ROBO1: variants seen among roughly 807,000 people sequenced by gnomAD.
ROBO1 encodes roundabout guidance receptor 1.
ROBO1 carries 149 observed loss-of-function variants against 195.9 expected under a neutral mutation model. The ratio of observed to expected loss-of-function variants is 0.76; its 90% CI spans 0.67 to 0.87. The LOEUF is 0.87. Among genes scored for constraint, ROBO1 ranks in the 40% least tolerant of loss-of-function variants. ROBO1 has a pLI of 0.00. For synonymous variants in ROBO1, 816 were observed against 733.2 expected (o/e 1.11, Z -1.82); for missense variants, 1,933 against 2,068.3 (o/e 0.93, Z 1.27).
intron 2 of ROBO1, among the ~76,000 whole-genome samples, chr3:79,393,994 A>G (rs942730334): frequency 1.3e-5 from 2 of 152,046 alleles, no homozygotes; most frequent in Non-Finnish European, 2.9e-5. Flanking sequence ...GAAAGAAAGA[A>G]ACGACATGAC....
At chr3:78,809,084 T>A (rs1033536170) in intron 4 of ROBO1, among the ~76,000 whole-genome samples, 3 of 152,122 alleles carry the variant, frequency 2.0e-5, no homozygotes, top group Admixed American at 6.5e-5. Context: ...GAGAAAATTT[T>A]TGCAATCTAT....
chr3:78,628,378 C>A (rs1182593241), intron 25 of ROBO1, among the ~76,000 whole-genome samples: 1 of 152,188 alleles, frequency 6.6e-6, no homozygotes, highest in African/African-American at 2.4e-5. Flanking sequence ...CAGCTGAAAA[C>A]AAAATGAAGT....
At chr3:78,995,397 C>G (rs1274594003) in intron 3 of ROBO1, among the ~76,000 whole-genome samples, 2 of 152,036 alleles carry the variant, frequency 1.3e-5, no homozygotes, top group African/African-American at 4.8e-5. Context: ...AACACAGAGC[C>G]CTGCACTGCT....
chr3:78,927,909 A>G (rs2039305660), intron 4 of ROBO1, among the ~76,000 whole-genome samples: 1 of 152,224 alleles, frequency 6.6e-6, no homozygotes, highest in Non-Finnish European at 1.5e-5. Flanking sequence ...AACCATATAC[A>G]TGGAAGGAAT....
intron 4 of ROBO1, among the ~76,000 whole-genome samples, chr3:78,901,976 G>C (rs1200581230): frequency 6.6e-6 from 1 of 152,008 alleles, no homozygotes; most frequent in Non-Finnish European, 1.5e-5. Context: ...TTTCTTTCCA[G>C]CATATTACAT....
chr3:78,693,526 A>T (rs1397055408), intron 8 of ROBO1, among the ~76,000 whole-genome samples: 2 of 152,182 alleles, frequency 1.3e-5, no homozygotes, highest in Admixed American at 6.5e-5. Flanking sequence ...ATTTGTTAGC[A>T]TTTTAGGTAT....
chr3:79,196,174 A>G (rs893335445), intron 2 of ROBO1, among the ~76,000 whole-genome samples: 1 of 151,560 alleles, frequency 6.6e-6, no homozygotes, highest in Non-Finnish European at 1.5e-5. Flanking sequence ...ATAAGGATAC[A>G]TTGTGGAAAA....
chr3:79,515,124 T>A lies in ROBO1; in HGVS notation c.88+74700A>T, dbSNP rs534001448. On this transcript the variant is annotated intron_variant, in intron 2 of 30. Transcript: ENST00000464233. ...CTTCCAAACACAGCCTGGAGAGGAGTGGCTTCATGGCTCATGGCAGCATGC... is the reference window on the plus strand; with the variant it reads ...CTTCCAAACACAGCCTGGAGAGGAGAGGCTTCATGGCTCATGGCAGCATGC... Among the ~76,000 whole-genome samples the A allele has an allele frequency of 2.0e-4, 31 of 151,992 alleles. No homozygotes were observed. In the East Asian group the frequency reaches 6.0e-3, roughly 29 times the overall value.
At chr3:79,643,830 C>A (rs1002938852) in intron 1 of ROBO1, among the ~76,000 whole-genome samples, 2 of 152,044 alleles carry the variant, frequency 1.3e-5, no homozygotes, top group African/African-American at 2.4e-5. Flanking sequence ...AGAGAGGAGG[C>A]ATGCACAAAA....
At chr3:79,357,208 CTGACTCTAACAAGTCA>C (rs1318548719) in intron 2 of ROBO1, among the ~76,000 whole-genome samples, 11 of 152,090 alleles carry the variant, frequency 7.2e-5, no homozygotes, top group Admixed American at 7.2e-4. Context: ...TCTTCTTTTC[CTGACTCTAACAAGTCA>C]TGAGGGCACA....
intron 1 of ROBO1, among the ~76,000 whole-genome samples, chr3:79,766,110 G>A (rs1470064138): frequency 2.0e-5 from 3 of 149,454 alleles, no homozygotes; most frequent in African/African-American, 7.5e-5. Flanking sequence ...TCTATAGAAG[G>A]AGCCTCCAGT....
chr3:79,216,751 A>C (rs1019717337), intron 2 of ROBO1, among the ~76,000 whole-genome samples: 25 of 152,082 alleles, frequency 1.6e-4, no homozygotes, highest in Non-Finnish European at 3.2e-4. Flanking sequence ...AGTTAGAAGA[A>C]AATAATAATT....
At chr3:79,213,488 A>G (rs2082001351) in intron 2 of ROBO1, among the ~76,000 whole-genome samples, 2 of 152,090 alleles carry the variant, frequency 1.3e-5, no homozygotes, top group Admixed American at 6.6e-5. Context: ...GTTGTTGTTT[A>G]TGTTTAATTT....
At chr3:78,687,082 C>T (rs1174636337) in intron 9 of ROBO1, among the ~76,000 whole-genome samples, 1 of 152,022 alleles carries the variant, frequency 6.6e-6, no homozygotes, top group African/African-American at 2.4e-5. Flanking sequence ...CTAATGACAA[C>T]ATTTTAGGGA....
rs371899215 is a variant in ROBO1, at chr3:79,550,272, AG to A, written c.88+39551del. Among the ~76,000 whole-genome samples, 353 of 151,862 alleles carry A rather than the reference AG, an allele frequency of 2.3e-3. 2 individuals are homozygous for A. Among genetic ancestry groups the A allele is most frequent in the African/African-American group, 8.3e-3 (342 of 41,320 alleles). On this transcript the variant is annotated intron_variant, in intron 2 of 30. Transcript: ENST00000464233. ...GGGATCTTAAAGTTAAGGATATATAAGCAGTTTTCTTTCTCTCATTTTTATA... is the reference window on the plus strand; with the variant it reads ...GGGATCTTAAAGTTAAGGATATATAACAGTTTTCTTTCTCTCATTTTTATA...
chr3:78,937,990 AGTGTGTGTGTGTGTGTGTGTGTGTGT>A (rs10596981), intron 4 of ROBO1: 1 of 135,598 alleles, frequency 7.4e-6, no homozygotes, highest in Non-Finnish European at 1.6e-5. Flanking sequence ...AGAGAGAGTG[AGTGTGTGTGTGTGTGTGTGTGTGTGT>A]GTGTGTGTGT....
chr3:79,023,800 C>G (rs1272733018), intron 3 of ROBO1, among the ~76,000 whole-genome samples: 2 of 139,932 alleles, frequency 1.4e-5, no homozygotes. Flanking sequence ...CCTCCCATGT[C>G]CAAGTAATTC....
chr3:78,985,114 G>A (rs1387888561), intron 3 of ROBO1, among the ~76,000 whole-genome samples: 1 of 152,120 alleles, frequency 6.6e-6, no homozygotes, highest in African/African-American at 2.4e-5. Context: ...AGGAGTTGGA[G>A]ACCAGCCTGG....
At chr3:79,306,383 A>AT (rs150184707) in intron 2 of ROBO1, among the ~76,000 whole-genome samples, 26,066 of 151,608 alleles carry the variant, frequency 0.17, 2,355 homozygotes, top group African/African-American at 0.23. Flanking sequence ...CAAGATATCA[A>AT]TTTTTTTTTA....
Sources: gnomAD v4.1 joint callset for allele counts (sites outside exome capture counted in the v4.1 genomes callset) on GRCh38, gnomAD v4.1.1 for gene constraint, MANE v1.5 for transcripts, NCBI Gene and HGNC (gene_info 2026-07-23, HGNC 2026-07-21) for gene names.